Variants in OGA observed in about 807,000 individuals in gnomAD.
OGA encodes the protein O-GlcNAcase.
Under a neutral mutation model 102.0 loss-of-function variants are expected in OGA, and 21 were observed. The ratio of observed to expected loss-of-function variants is 0.21; its 90% CI spans 0.15 to 0.30. The LOEUF is 0.30. OGA is among the 10% of genes least tolerant of loss of function. OGA has a pLI of 1.00. For missense variants in OGA, 765 were observed against 1,107.8 expected, an observed-to-expected ratio of 0.69 and a Z score of 4.39; for synonymous variants, 408 against 378.2, an observed-to-expected ratio of 1.08 and a Z score of -0.91.
chr10:101,811,676 A>G (rs183473775), intron 3 of OGA, among the ~76,000 whole-genome samples: 51 of 152,250 alleles, frequency 3.3e-4, no homozygotes, highest in African/African-American at 1.1e-3. Flanking sequence ...TGGGTAACAA[A>G]GTGACAAACG....
At position 101,792,827 on chromosome 10, in the gene OGA, A is replaced by G; in HGVS notation, c.2175+12T>C. The G allele has an allele frequency of 1.3e-6, 2 of 1,557,924 alleles. No homozygotes were observed. The highest frequency in any genetic ancestry group is 1.7e-5 in the Admixed American group (1 of 59,882). On this transcript the variant is annotated intron_variant, in intron 12 of 15. Coordinates refer to ENST00000361464, the MANE Select transcript of OGA (RefSeq NM_012215.5). ...ACCCATACACCAAGTTGGTAGGTAGAGAGACAATTACCTCATCCTTAGGAA... is the reference window on the plus strand; with the variant it reads ...ACCCATACACCAAGTTGGTAGGTAGGGAGACAATTACCTCATCCTTAGGAA...
Position 101,818,240 on chromosome 10 carries a change from C to T in OGA, c.-218G>A, listed in dbSNP as rs2065669259. The T allele has an allele frequency of 6.0e-6, 8 of 1,336,980 alleles. No homozygotes were observed. The highest frequency in any genetic ancestry group is 9.5e-7 in the Non-Finnish European group (1 of 1,047,298). The allele number at this position is 1,336,980 out of a possible 1,614,324, so 82.8% of individuals were successfully genotyped here. A position where few individuals can be genotyped will look rare whatever the true frequency, so the allele number is the denominator to read the frequency against. ...GCGCGAGCCCTTTGTCAGCCGCAGC[C>T]TCGGCTTTAAGCTGGGGCGCCAGAA... On this transcript the variant is annotated 5_prime_UTR_variant, in exon 1 of 16. Transcript: ENST00000361464.
In OGA at chr10:101,792,738, G is replaced by A. The variant is rs538462886; in HGVS notation, c.2175+101C>T. 3.1e-5 allele frequency: 25 copies of A among 805,850 alleles called. No individual in the cohort carries two copies. In the South Asian group the frequency reaches 4.9e-4, roughly 16 times the overall value. The allele number at this position is 805,850 out of a possible 1,614,324, so 49.9% of individuals were successfully genotyped here. On this transcript the variant is annotated intron_variant, in intron 12 of 15. Coordinates refer to ENST00000361464, the MANE Select transcript of OGA (RefSeq NM_012215.5). ...GAACTTTCTCCATCTAAAGTTTGCA[G>A]TTTTAAGACAGAAGGATTCCTTTAA...
chr10:101,802,978 TAAAAAAAA>T (rs764237378), intron 7 of OGA, among the ~76,000 whole-genome samples: 4 of 68,594 alleles, frequency 5.8e-5, no homozygotes, highest in African/African-American at 2.3e-4. Flanking sequence ...GTCTCTACTT[TAAAAAAAA>T]AAAAAAAAAA....
chr10:101,789,151 CTT>C (rs1383057698), intron 14 of OGA, among the ~76,000 whole-genome samples: 6 of 152,182 alleles, frequency 3.9e-5, no homozygotes, highest in Non-Finnish European at 5.9e-5. Flanking sequence ...AAACCAGCCT[CTT>C]GTTACACAGC....
At chr10:101,809,988 G>A (rs1287567104) in intron 4 of OGA, among the ~76,000 whole-genome samples, 196 bp downstream of exon 4, 1 of 152,140 alleles carries the variant, frequency 6.6e-6, no homozygotes, top group Non-Finnish European at 1.5e-5. Flanking sequence ...GGAGGTTGCA[G>A]TGAGCCGAGA....
intron 3 of OGA, among the ~76,000 whole-genome samples, chr10:101,812,109 T>C (rs1455224136): frequency 6.6e-6 from 1 of 152,268 alleles, no homozygotes; most frequent in Non-Finnish European, 1.5e-5. Context: ...GTTAGCTATA[T>C]GCGTATACCA....
intron 10 of OGA, chr10:101,797,030 T>TTC (rs1169663817): frequency 3.3e-5 from 3 of 92,094 alleles, no homozygotes; most frequent in South Asian, 8.3e-4. Context: ...CAGGGAAACT[T>TTC]TTTTTTTTTT....
intron 7 of OGA, 147 bp downstream of exon 7, chr10:101,803,588 G>T: frequency 1.2e-6 from 1 of 815,008 alleles, no homozygotes; most frequent in Non-Finnish European, 1.9e-6. Context: ...ACTTGGTTTT[G>T]TTTCCTCCTT....
intron 4 of OGA, among the ~76,000 whole-genome samples, chr10:101,809,256 G>A (rs1427546846): frequency 6.6e-6 from 1 of 152,046 alleles, no homozygotes; most frequent in African/African-American, 2.4e-5. Context: ...CTAGATTCCC[G>A]GTCCCCACCT....
rs2065182406 is a variant in OGA at position 101,785,437 on chromosome 10, G to GA, written c.*1013dup. ...GGGCAAATGGGACCAATCAGTCCCT[G>GA]AACCCTACCTGACATGTCAAATCCA... On this transcript the variant is annotated 3_prime_UTR_variant, in exon 16 of 16. Coordinates refer to ENST00000361464, the MANE Select transcript of OGA (RefSeq NM_012215.5). 6.6e-6 allele frequency: 1 copy of GA among 152,638 alleles called. No individual in the cohort carries two copies. Among genetic ancestry groups the GA allele is most frequent in the African/African-American group, 2.4e-5 (1 of 41,468 alleles). The allele number at this position is 152,638 out of a possible 1,614,324, so 9.5% of individuals were successfully genotyped here.
intron 7 of OGA, 108 bp from the exon 8 acceptor site, chr10:101,800,508 AAAG>A (rs1358267138): frequency 3.7e-6 from 3 of 815,766 alleles, no homozygotes; most frequent in African/African-American, 3.5e-5. Context: ...CCACAGAAAC[AAAG>A]AACAGAATGA....
chr10:101,788,216 C>T (rs564949192), intron 14 of OGA, among the ~76,000 whole-genome samples: 2 of 150,342 alleles, frequency 1.3e-5, no homozygotes, highest in South Asian at 4.2e-4. Context: ...GGCAGGCAGA[C>T]TGCCTGAGCT....
chr10:101,810,391 G>A, intron 3 of OGA, 77 bp from the exon 4 acceptor site: 3 of 1,305,134 alleles, frequency 2.3e-6, no homozygotes, highest in Non-Finnish European at 3.2e-6. Flanking sequence ...TAACTGAAGA[G>A]GTTATTTCTT....
chr10:101,815,617 C>T (rs920817796), intron 1 of OGA, among the ~76,000 whole-genome samples: 1 of 152,050 alleles, frequency 6.6e-6, no homozygotes, highest in African/African-American at 2.4e-5. Context: ...CAGACCTATA[C>T]AAGTCTTTAG....
chr10:101,796,884 C>T (rs2065323663), intron 10 of OGA, among the ~76,000 whole-genome samples: 1 of 151,954 alleles, frequency 6.6e-6, no homozygotes, highest in Non-Finnish European at 1.5e-5. Flanking sequence ...GCAACCGCGC[C>T]CGAAGCTATA....
intron 10 of OGA, among the ~76,000 whole-genome samples, chr10:101,795,103 GT>G (rs2065299874): frequency 6.6e-6 from 1 of 152,064 alleles, no homozygotes; most frequent in African/African-American, 2.4e-5. Context: ...ATGAAACAGG[GT>G]CAAAATTTAG....
chr10:101,797,116 C>T (rs2135047923), intron 10 of OGA: 1 of 151,272 alleles, frequency 6.6e-6, no homozygotes, highest in Non-Finnish European at 1.5e-5. Context: ...ATTCTAAGCT[C>T]ACGGTGTTTC....
chr10:101,789,289 G>A (rs12245261), intron 14 of OGA, among the ~76,000 whole-genome samples: 2 of 151,922 alleles, frequency 1.3e-5, no homozygotes, highest in Non-Finnish European at 2.9e-5. Context: ...ACCTGAGGTC[G>A]GGAGTTTGAG....
Sources: allele counts gnomAD v4.1 joint callset (sites outside exome capture counted in the v4.1 genomes callset), GRCh38; gene constraint gnomAD v4.1.1; transcripts MANE v1.5; gene names NCBI Gene and HGNC (gene_info 2026-07-23, HGNC 2026-07-21).